CHD5: variants seen among roughly 807,000 people sequenced by gnomAD.
CHD5 encodes the protein ATP-dependent chromatin remodeler CHD5.
Under a neutral mutation model 230.3 loss-of-function variants are expected in CHD5, and 69 were observed. That is an observed-to-expected ratio of 0.30 (90% CI 0.25 to 0.37). CHD5 has a LOEUF of 0.37. Among genes scored for constraint, CHD5 ranks in the 10% least tolerant of loss-of-function variants. The pLI, the probability that CHD5 is intolerant of heterozygous loss-of-function variation, is 1.00. For synonymous variants in CHD5, 1,064 were observed against 1,065.9 expected (o/e 1.00, Z 0.03); for missense variants, 1,827 against 2,622.8 (o/e 0.70, Z 6.63).
chr1:6,165,145 T>C (rs1667232074), intron 2 of CHD5, among the ~76,000 whole-genome samples: 1 of 152,124 alleles, frequency 6.6e-6, no homozygotes, highest in Non-Finnish European at 1.5e-5. Context: ...GCCCTGGGAA[T>C]GAGAGCGTCG....
chr1:6,148,262 G>A (rs886271143), intron 9 of CHD5, among the ~76,000 whole-genome samples: 1 of 152,084 alleles, frequency 6.6e-6, no homozygotes, highest in African/African-American at 2.4e-5. Context: ...TGTGACTGGG[G>A]GGTGACGGAT....
At chr1:6,139,371 G>A (rs991260842) in intron 15 of CHD5, among the ~76,000 whole-genome samples, 1 of 151,862 alleles carries the variant, frequency 6.6e-6, no homozygotes, top group African/African-American at 2.4e-5. Flanking sequence ...TGAATAGCTG[G>A]GATTACAGGC....
chr1:6,155,843 C>T lies in CHD5; in HGVS notation c.388-126G>A, dbSNP rs959815292. 68 of 681,028 alleles carry T rather than the reference C, an allele frequency of 1.0e-4. No individual in the cohort carries two copies. The highest frequency in any genetic ancestry group is 2.9e-4 in the Middle Eastern group (1 of 3,476). 42.2% of individuals were successfully genotyped at this position (681,028 alleles called of 1,614,324 possible). On this transcript the variant is annotated intron_variant, in intron 3 of 41. Transcript: ENST00000262450. This position sits in a 1 kb window ranked among gnomAD's most constrained non-coding sequence, Gnocchi z 4.0. ...AGGAGGGGTTGTGTCTGCAATGTAA[C>T]CAGACCATTCTCACCCACCCTAGGA... is the stretch of plus-strand genomic sequence containing the variant.
chr1:6,142,664 T>G lies in CHD5; in HGVS notation c.2044-59A>C. 2 of 1,527,700 alleles carry G rather than the reference T, an allele frequency of 1.3e-6. No individual in the cohort carries two copies. Among genetic ancestry groups the G allele is most frequent in the East Asian group, 2.3e-5 (1 of 44,104 alleles). The allele number at this position is 1,527,700 out of a possible 1,614,324, so 94.6% of individuals were successfully genotyped here. On this transcript the variant is annotated intron_variant, in intron 13 of 41. Coordinates refer to ENST00000262450, the MANE Select transcript of CHD5 (RefSeq NM_015557.3). This position sits in a 1 kb window ranked among gnomAD's most constrained non-coding sequence, Gnocchi z 5.2. Reference sequence around the variant, plus strand: ...GATCCTGGGCCACCAGAGTCCACACTACAGGCCTTTGCACATGCAATTCCT... The same window carrying G: ...GATCCTGGGCCACCAGAGTCCACACGACAGGCCTTTGCACATGCAATTCCT...
rs371261390 is a variant in CHD5, at chr1:6,154,644, C to A, written c.745+16G>T. The A allele has an allele frequency of 1.2e-4, 191 of 1,536,576 alleles. 1 individual carries two copies. In the African/African-American group the frequency reaches 2.3e-3, roughly 19 times the overall value. On this transcript the variant is annotated intron_variant, in intron 5 of 41. Transcript: ENST00000262450. The surrounding 1 kb of genome is among the most constrained non-coding windows in gnomAD (Gnocchi z 7.0). ...CTTCCCAGCGGGACTAGGTGCCCAC[C>A]CAACCCCAGCCTTACCTTTGCCCTC...
At chr1:6,173,135 C>T (rs1455017889) in intron 1 of CHD5, among the ~76,000 whole-genome samples, 1 of 150,176 alleles carries the variant, frequency 6.7e-6, no homozygotes, top group East Asian at 2.0e-4. Flanking sequence ...GACGGACTCT[C>T]GCTCTGTCAC....
intron 31 of CHD5, 54 bp downstream of exon 31, chr1:6,123,894 C>T (rs945318933): frequency 4.2e-5 from 56 of 1,332,364 alleles, no homozygotes; most frequent in Non-Finnish European, 5.4e-5. Context: ...GTTTCTGTGA[C>T]CTTGCCACTT....
Position 6,128,441 on chromosome 1 carries a change from TGCAGGA to T in CHD5, c.3730+52_3730+57del. On this transcript the variant is annotated intron_variant, in intron 24 of 41. Coordinates refer to ENST00000262450, the MANE Select transcript of CHD5 (RefSeq NM_015557.3). This position sits in a 1 kb window ranked among gnomAD's most constrained non-coding sequence, Gnocchi z 7.8. ...AGGGCAGGTCAGGGAACCCCTCCTCTGCAGGAGCAGCCACCTGGTCGGAGGAGGAGC... is the reference window on the plus strand; with the variant it reads ...AGGGCAGGTCAGGGAACCCCTCCTCTGCAGCCACCTGGTCGGAGGAGGAGC... 7.0e-7 allele frequency: 1 copy of T among 1,430,930 alleles called. No individual in the cohort carries two copies. The highest frequency in any genetic ancestry group is 9.8e-7 in the Non-Finnish European group (1 of 1,020,746). 88.6% of individuals were successfully genotyped at this position (1,430,930 alleles called of 1,614,324 possible). A position where few individuals can be genotyped will look rare whatever the true frequency, so the allele number is the denominator to read the frequency against.
chr1:6,157,094 A>G (rs1424460026), intron 3 of CHD5, among the ~76,000 whole-genome samples: 5 of 152,214 alleles, frequency 3.3e-5, no homozygotes, highest in African/African-American at 1.2e-4. Context: ...TTAGCACCCA[A>G]CCCACCCTTC....
At chr1:6,148,669 C>A (rs577211089) in intron 9 of CHD5, among the ~76,000 whole-genome samples, 185 bp downstream of exon 9, 1 of 152,250 alleles carries the variant, frequency 6.6e-6, no homozygotes, top group African/African-American at 2.4e-5. Context: ...CGGAGAAGGG[C>A]GCGAGGAAGC....
chr1:6,111,120 C>T (rs1377583435), intron 36 of CHD5, among the ~76,000 whole-genome samples: 1 of 151,610 alleles, frequency 6.6e-6, no homozygotes, highest in African/African-American at 2.4e-5. Flanking sequence ...GTCCCAGCTA[C>T]TCAGGAGGCT....
At chr1:6,149,474 G>A (rs1174979871) in intron 7 of CHD5, 62 bp from the exon 8 acceptor site, 40 of 1,521,086 alleles carry the variant, frequency 2.6e-5, no homozygotes, top group Middle Eastern at 3.5e-4. Context: ...ACAACCAACT[G>A]CATCGCCCCA....
chr1:6,126,543 G>A lies in CHD5; in HGVS notation c.4078+29C>T, dbSNP rs764095039. 1.9e-6 allele frequency: 3 copies of A among 1,610,406 alleles called. No individual in the cohort carries two copies. The highest frequency in any genetic ancestry group is 1.1e-5 in the South Asian group (1 of 90,954). ...CCCCACCCTCCGCCTCTGGGTGAGG[G>A]GCACCAGTCCCTCCCTCCCGGCACG... On this transcript the variant is annotated intron_variant, in intron 26 of 41. Transcript: ENST00000262450. The surrounding 1 kb of genome is among the most constrained non-coding windows in gnomAD (Gnocchi z 5.7).
At chr1:6,112,020 G>T (rs1344261647) in intron 35 of CHD5, 120 bp downstream of exon 35, 4 of 1,413,418 alleles carry the variant, frequency 2.8e-6, no homozygotes, top group Admixed American at 3.7e-5. Context: ...GCTAAGAAAG[G>T]TTATACGATG....
At chr1:6,135,982 C>G (rs1248997190) in intron 17 of CHD5, among the ~76,000 whole-genome samples, 2 of 151,834 alleles carry the variant, frequency 1.3e-5, no homozygotes, top group African/African-American at 4.8e-5. Context: ...TGCACTCTGG[C>G]CTGGGTGACA....
chr1:6,145,930 A>C (rs1264158604), intron 11 of CHD5, among the ~76,000 whole-genome samples: 4 of 152,190 alleles, frequency 2.6e-5, no homozygotes, highest in African/African-American at 9.6e-5. Context: ...TGCTGGTATC[A>C]AGCACTAACC....
intron 35 of CHD5, 101 bp downstream of exon 35, chr1:6,112,039 T>A: frequency 6.9e-7 from 1 of 1,454,120 alleles, no homozygotes; most frequent in Non-Finnish European, 9.5e-7. Context: ...TGGACTTCCA[T>A]CAACCAGTCA....
intron 2 of CHD5, among the ~76,000 whole-genome samples, chr1:6,165,286 G>A (rs1007212081): frequency 1.3e-5 from 2 of 152,178 alleles, no homozygotes; most frequent in African/African-American, 4.8e-5. Context: ...CCAGGAGACG[G>A]GAGGGGAGCC....
Position 6,121,217 on chromosome 1 carries a change from A to G in CHD5, c.4800T>C (p.Asp1600=). 1 of 1,612,296 alleles carries G rather than the reference A, an allele frequency of 6.2e-7. No homozygotes were observed. The highest frequency in any genetic ancestry group is 8.5e-7 in the Non-Finnish European group (1 of 1,179,492). The change falls in exon 33 of 42, where the codon GAT becomes GAC. Residue 1600 remains aspartate (D), a synonymous_variant. Coordinates refer to ENST00000262450, the MANE Select transcript of CHD5 (RefSeq NM_015557.3). The surrounding 1 kb of genome is among the most constrained non-coding windows in gnomAD (Gnocchi z 4.5). ...LEVQALPAAL[D]RVESEDKHES... Reference sequence around the variant, plus strand: ...CGTGCTTGTCCTCACTCTCCACTCTATCCAAGGCGGCTGGAAGGGCCTGCA... The same window carrying G: ...CGTGCTTGTCCTCACTCTCCACTCTGTCCAAGGCGGCTGGAAGGGCCTGCA...
Sources: gnomAD v4.1 joint callset for allele counts (sites outside exome capture counted in the v4.1 genomes callset) on GRCh38, gnomAD v4.1.1 for gene constraint, Gnocchi (gnomAD v3.1) non-coding constraint, MANE v1.5 for transcripts, NCBI Gene and HGNC (gene_info 2026-07-23, HGNC 2026-07-21) for gene names.